The following PTPRD variants were observed in gnomAD, a reference collection of about 807,000 sequenced individuals.
PTPRD encodes receptor-type tyrosine-protein phosphatase delta.
In PTPRD, 34 loss-of-function variants were observed where a neutral mutation model predicts 214.5. The ratio of observed to expected loss-of-function variants is 0.16; its 90% CI spans 0.12 to 0.21. The LOEUF (loss-of-function observed/expected upper bound fraction) is 0.21, where lower values mean the gene tolerates loss of function less well. PTPRD is among the 10% of genes least tolerant of loss of function. PTPRD has a pLI of 1.00. For synonymous variants in PTPRD, 1,128 were observed against 845.7 expected, an observed-to-expected ratio of 1.33 and a Z score of -5.79; for missense variants, 2,545 against 2,398.7, an observed-to-expected ratio of 1.06 and a Z score of -1.27.
At chr9:9,473,949 C>T (rs546046617) in intron 8 of PTPRD, among the ~76,000 whole-genome samples, 126 of 151,496 alleles carry the variant, frequency 8.3e-4, no homozygotes, top group Middle Eastern at 3.4e-3. Flanking sequence ...TTTTGCTTTA[C>T]GGAAGCTTTT....
At position 8,355,340 on chromosome 9, in the gene PTPRD, T is replaced by C. The variant is rs373590602; in HGVS notation, c.4662-13362A>G. On this transcript the variant is annotated intron_variant, in intron 39 of 45. Coordinates refer to ENST00000381196, the MANE Select transcript of PTPRD (RefSeq NM_002839.4). ...GAACAGGTTGTAGGCCAAATAAACC[T>C]CTTTTCTTCAGACTAACATACCTGG... Among the ~76,000 whole-genome samples the C allele has an allele frequency of 2.4e-4, 37 of 152,298 alleles. No individual in the cohort carries two copies. In the South Asian group the frequency reaches 7.5e-3, roughly 31 times the overall value.
intron 14 of PTPRD, among the ~76,000 whole-genome samples, chr9:8,586,339 T>C (rs1373750178): frequency 6.6e-6 from 1 of 152,296 alleles, no homozygotes; most frequent in Middle Eastern, 3.4e-3. Context: ...GTATTATAAA[T>C]AGACTCTATA....
chr9:9,584,807 C>G (rs917072931), intron 7 of PTPRD, among the ~76,000 whole-genome samples: 1 of 151,934 alleles, frequency 6.6e-6, no homozygotes, highest in African/African-American at 2.4e-5. Flanking sequence ...AATGTCAAGG[C>G]TTATCTCTCT....
intron 5 of PTPRD, among the ~76,000 whole-genome samples, chr9:9,834,945 T>G (rs1487550934): frequency 6.6e-6 from 1 of 152,014 alleles, no homozygotes; most frequent in African/African-American, 2.4e-5. Flanking sequence ...GTTTTTTTTT[T>G]GTTCCATCCC....
intron 11 of PTPRD, among the ~76,000 whole-genome samples, chr9:8,908,827 G>C (rs1481508723): frequency 1.3e-5 from 2 of 151,226 alleles, no homozygotes; most frequent in African/African-American, 2.4e-5. Context: ...CCTTTAACTC[G>C]ATTATCCAAG....
chr9:9,678,898 C>CA (rs35111043), intron 7 of PTPRD, among the ~76,000 whole-genome samples: 1 of 151,744 alleles, frequency 6.6e-6, no homozygotes, highest in South Asian at 2.1e-4. Flanking sequence ...AGTGGCAGTT[C>CA]AAAAATCACT....
At chr9:10,132,614 C>G (rs1775830781) in intron 3 of PTPRD, among the ~76,000 whole-genome samples, 1 of 152,182 alleles carries the variant, frequency 6.6e-6, no homozygotes, top group Non-Finnish European at 1.5e-5. Context: ...AAGGATAGCT[C>G]TGCTATGCTA....
chr9:8,345,361 C>A (rs1762685739), intron 39 of PTPRD, among the ~76,000 whole-genome samples: 2 of 152,032 alleles, frequency 1.3e-5, no homozygotes, highest in African/African-American at 4.8e-5. Context: ...AATTTAGCAC[C>A]CTGTTCCCAG....
chr9:10,084,567 T>C (rs982524988), intron 3 of PTPRD, among the ~76,000 whole-genome samples: 2 of 152,012 alleles, frequency 1.3e-5, no homozygotes, highest in African/African-American at 2.4e-5. Flanking sequence ...AGTTCTTAGA[T>C]ATTGATATTA....
intron 11 of PTPRD, among the ~76,000 whole-genome samples, chr9:8,931,190 T>C (rs570126909): frequency 6.6e-6 from 1 of 152,092 alleles, no homozygotes; most frequent in African/African-American, 2.4e-5. Context: ...GCCTAGCCAG[T>C]TTTCCCAGCA....
At chr9:8,694,909 C>T (rs1382166644) in intron 12 of PTPRD, among the ~76,000 whole-genome samples, 1 of 152,114 alleles carries the variant, frequency 6.6e-6, no homozygotes, top group Non-Finnish European at 1.5e-5. Context: ...TTTACTTGAC[C>T]CAACAAACAT....
chr9:10,446,748 A>C (rs2098802738), intron 2 of PTPRD, among the ~76,000 whole-genome samples: 1 of 152,140 alleles, frequency 6.6e-6, no homozygotes, highest in Admixed American at 6.5e-5. Context: ...AGACTTTTGC[A>C]TATCAAAGGG....
intron 3 of PTPRD, among the ~76,000 whole-genome samples, chr9:10,117,511 C>T (rs1001511402): frequency 6.6e-5 from 10 of 152,024 alleles, no homozygotes; most frequent in South Asian, 2.1e-4. Flanking sequence ...GGGGAGAATA[C>T]GTCCTTGCTT....
intron 10 of PTPRD, among the ~76,000 whole-genome samples, chr9:9,061,715 T>C (rs930562895): frequency 1.3e-5 from 2 of 152,196 alleles, no homozygotes; most frequent in Non-Finnish European, 2.9e-5. Flanking sequence ...ATCTGTTCAC[T>C]GTAGCAAACA....
intron 12 of PTPRD, among the ~76,000 whole-genome samples, chr9:8,707,787 C>A (rs558173044): frequency 9.9e-5 from 15 of 152,140 alleles, no homozygotes; most frequent in Non-Finnish European, 1.9e-4. Context: ...TTTTCAATAA[C>A]CTTTTCCTCA....
intron 12 of PTPRD, among the ~76,000 whole-genome samples, chr9:8,643,161 A>T (rs2096613800): frequency 1.3e-5 from 2 of 152,206 alleles, no homozygotes; most frequent in South Asian, 4.1e-4. Context: ...TTAGTTTTAA[A>T]ATTTGATTTA....
At chr9:8,713,169 C>T (rs955618374) in intron 12 of PTPRD, 3 of 558,792 alleles carry the variant, frequency 5.4e-6, no homozygotes, top group Admixed American at 6.5e-5. Context: ...TCCTGCATAA[C>T]TGTCAGTGCC....
chr9:8,521,938 C>T lies in PTPRD; in HGVS notation c.692-392G>A, dbSNP rs567532974. Among the ~76,000 whole-genome samples the T allele has an allele frequency of 2.0e-5, 3 of 152,250 alleles. No homozygotes were observed. The South Asian group carries it at 6.2e-4, about 32-fold the overall frequency. On this transcript the variant is annotated intron_variant, in intron 19 of 45. Transcript: ENST00000381196. ...GCAGAAAAGGGGGCTGGAAGGTCACCAGCATGTTTAAGTTGAGTATCAAAA... is the reference window on the plus strand; with the variant it reads ...GCAGAAAAGGGGGCTGGAAGGTCACTAGCATGTTTAAGTTGAGTATCAAAA...
intron 7 of PTPRD, among the ~76,000 whole-genome samples, chr9:9,705,908 G>C (rs1434398686): frequency 1.3e-5 from 2 of 152,136 alleles, no homozygotes; most frequent in Non-Finnish European, 2.9e-5. Context: ...GTATGGCTTA[G>C]TGGAAAGTAT....
Sources: gnomAD v4.1 joint callset for allele counts (sites outside exome capture counted in the v4.1 genomes callset) on GRCh38, gnomAD v4.1.1 for gene constraint, MANE v1.5 for transcripts, NCBI Gene and HGNC (gene_info 2026-07-23, HGNC 2026-07-21) for gene names.